WWOX: variants seen among roughly 807,000 people sequenced by gnomAD.
WWOX encodes WW domain-containing oxidoreductase.
WWOX carries 69 observed loss-of-function variants against 46.2 expected under a neutral mutation model. That is an observed-to-expected ratio of 1.49 (90% CI 1.23 to 1.82). The LOEUF (loss-of-function observed/expected upper bound fraction) is 1.82. WWOX is among the 40% of genes most tolerant of loss of function. The probability of loss-of-function intolerance (pLI) is 0.00; values close to 1 mark genes in which losing one functional copy is unlikely to be tolerated. For missense variants in WWOX, 919 were observed against 542.6 expected (o/e 1.69, Z -6.89); for synonymous variants, 359 against 202.6 (o/e 1.77, Z -6.56).
intron 5 of WWOX, among the ~76,000 whole-genome samples, chr16:78,212,457 C>T (rs968774555): frequency 1.1e-4 from 16 of 152,260 alleles, no homozygotes; most frequent in Admixed American, 3.3e-4. Flanking sequence ...AGGAACAACC[C>T]CTTCTTTGAC....
At chr16:78,958,102 C>T (rs1442903044) in intron 8 of WWOX, among the ~76,000 whole-genome samples, 1 of 152,152 alleles carries the variant, frequency 6.6e-6, no homozygotes, top group African/African-American at 2.4e-5. Flanking sequence ...TTCATATTCT[C>T]CGATATATTA....
intron 8 of WWOX, among the ~76,000 whole-genome samples, chr16:79,009,594 G>T (rs960437110): frequency 2.0e-5 from 3 of 152,102 alleles, no homozygotes; most frequent in African/African-American, 7.2e-5. Flanking sequence ...CAGCCCATAG[G>T]CACATGCCAC....
intron 8 of WWOX, among the ~76,000 whole-genome samples, chr16:78,843,012 C>A (rs2052202064): frequency 6.7e-6 from 1 of 150,010 alleles, no homozygotes; most frequent in South Asian, 2.2e-4. Flanking sequence ...TGTTTGTTAA[C>A]AGGGCTGGCT....
chr16:78,831,240 C>G (rs1042242135), intron 8 of WWOX, among the ~76,000 whole-genome samples: 2 of 152,124 alleles, frequency 1.3e-5, no homozygotes, highest in Non-Finnish European at 2.9e-5. Flanking sequence ...GCCCTCATTT[C>G]CCCCTTTATA....
At chr16:78,713,909 G>C (rs555304130) in intron 8 of WWOX, among the ~76,000 whole-genome samples, 2 of 152,154 alleles carry the variant, frequency 1.3e-5, no homozygotes, top group Admixed American at 6.5e-5. Flanking sequence ...AGAAACACCC[G>C]AGGACTGTCG....
At chr16:78,402,665 C>T (rs2082441091) in intron 6 of WWOX, among the ~76,000 whole-genome samples, 1 of 152,136 alleles carries the variant, frequency 6.6e-6, no homozygotes, top group South Asian at 2.1e-4. Context: ...ACTTACAAGT[C>T]CACGATCAAA....
At chr16:78,852,562 T>G (rs1311128553) in intron 8 of WWOX, among the ~76,000 whole-genome samples, 1 of 152,136 alleles carries the variant, frequency 6.6e-6, no homozygotes, top group Non-Finnish European at 1.5e-5. Flanking sequence ...GAAATGACCA[T>G]CTTGACTTAG....
chr16:78,690,489 C>G (rs1470421066), intron 8 of WWOX, among the ~76,000 whole-genome samples: 1 of 152,104 alleles, frequency 6.6e-6, no homozygotes, highest in Non-Finnish European at 1.5e-5. Context: ...GACGTCAAGG[C>G]TGCAGTGGGC....
intron 8 of WWOX, chr16:78,892,111 A>G (rs1567630570): frequency 1.3e-5 from 2 of 152,092 alleles, no homozygotes; most frequent in Non-Finnish European, 2.9e-5. Flanking sequence ...AAACATTGTC[A>G]CTTGCCAAAC....
intron 8 of WWOX, among the ~76,000 whole-genome samples, chr16:78,625,259 G>A (rs1234304550): frequency 6.6e-6 from 1 of 152,110 alleles, no homozygotes; most frequent in Non-Finnish European, 1.5e-5. Context: ...CCACTCTTTA[G>A]CCTCAGTCCC....
Position 78,633,052 on chromosome 16 carries a change from C to T in WWOX, c.1056+200300C>T, listed in dbSNP as rs539509999. On this transcript the variant is annotated intron_variant, in intron 8 of 8. Transcript: ENST00000566780. ...CTGAGGTGGGTGGATCACTTGAGGT[C>T]AGGAGTTTGAGAGCAATCTGGCCAA... Among the ~76,000 whole-genome samples the T allele has an allele frequency of 2.4e-4, 36 of 152,156 alleles. 1 individual carries two copies. The East Asian group carries it at 6.1e-3, about 26-fold the overall frequency.
intron 8 of WWOX, among the ~76,000 whole-genome samples, chr16:79,034,912 C>T (rs1376421357): frequency 6.6e-6 from 1 of 152,024 alleles, no homozygotes; most frequent in Non-Finnish European, 1.5e-5. Context: ...GCATTAAATA[C>T]ATTTTGCAAA....
intron 5 of WWOX, among the ~76,000 whole-genome samples, chr16:78,298,374 G>C (rs2079976965): frequency 6.6e-6 from 1 of 152,084 alleles, no homozygotes; most frequent in East Asian, 1.9e-4. Context: ...TAAGACTTTG[G>C]GGTTTCCAGT....
At chr16:78,307,339 G>T (rs2080153527) in intron 5 of WWOX, among the ~76,000 whole-genome samples, 1 of 152,162 alleles carries the variant, frequency 6.6e-6, no homozygotes, top group Admixed American at 6.5e-5. Context: ...AAGGGACTTT[G>T]GAGATGTGAT....
At chr16:79,200,285 G>T (rs1454644699) in intron 8 of WWOX, among the ~76,000 whole-genome samples, 1 of 152,296 alleles carries the variant, frequency 6.6e-6, no homozygotes, top group East Asian at 1.9e-4. Context: ...CCACCAGAGG[G>T]ATCAAATGGC....
chr16:78,795,015 A>C (rs1179775378), intron 8 of WWOX, among the ~76,000 whole-genome samples: 1 of 152,210 alleles, frequency 6.6e-6, no homozygotes, highest in East Asian at 1.9e-4. Context: ...TTGGAGGCTT[A>C]ACACTGATCT....
intron 5 of WWOX, among the ~76,000 whole-genome samples, chr16:78,232,326 T>A (rs1366052010): frequency 1.3e-5 from 2 of 152,200 alleles, no homozygotes; most frequent in Non-Finnish European, 2.9e-5. Context: ...TTCTACGTGA[T>A]CTTATTTATC....
At chr16:78,174,998 G>A (rs5029757) in intron 5 of WWOX, among the ~76,000 whole-genome samples, 5 of 140,880 alleles carry the variant, frequency 3.5e-5, no homozygotes, top group East Asian at 2.0e-4. Flanking sequence ...AAAAATAATA[G>A]TAATAATAAT....
intron 5 of WWOX, among the ~76,000 whole-genome samples, chr16:78,244,209 G>A (rs1348206237): frequency 6.6e-6 from 1 of 152,184 alleles, no homozygotes; most frequent in Non-Finnish European, 1.5e-5. Context: ...TCCCGATGGG[G>A]GTTAAATAAA....
Sources: gnomAD v4.1 joint callset for allele counts (sites outside exome capture counted in the v4.1 genomes callset) on GRCh38, gnomAD v4.1.1 for gene constraint, MANE v1.5 for transcripts, NCBI Gene and HGNC (gene_info 2026-07-23, HGNC 2026-07-21) for gene names.